Variants in WNK2 observed in about 807,000 individuals in gnomAD.
WNK2 encodes the protein WNK lysine deficient protein kinase 2.
WNK2 carries 67 observed loss-of-function variants against 192.1 expected under a neutral mutation model. The ratio of observed to expected loss-of-function variants is 0.35; its 90% CI spans 0.29 to 0.43. WNK2 has a LOEUF of 0.43. WNK2 is among the 20% of genes least tolerant of loss of function. The probability of loss-of-function intolerance (pLI) is 1.00; values close to 1 mark genes in which losing one functional copy is unlikely to be tolerated. For synonymous variants in WNK2, 1,439 were observed against 1,393.9 expected, an observed-to-expected ratio of 1.03 and a Z score of -0.72; for missense variants, 2,698 against 3,089.7, an observed-to-expected ratio of 0.87 and a Z score of 3.01.
Position 93,229,599 on chromosome 9 carries a change from G to A in WNK2, c.682-97G>A, listed in dbSNP as rs1838390251. The A allele has an allele frequency of 7.2e-7, 1 of 1,393,382 alleles. No homozygotes were observed. Among genetic ancestry groups the A allele is most frequent in the East Asian group, 2.5e-5 (1 of 39,992 alleles). The allele number at this position is 1,393,382 out of a possible 1,614,324, so 86.3% of individuals were successfully genotyped here. The stretch of plus-strand genomic sequence containing the variant: ...CTTAGCTGCCTGTGGGTATGGGAAG[G>A]GCTGGTCCTACTGTGTGGCGCTGCT... On this transcript the variant is annotated intron_variant, in intron 2 of 29. Transcript: ENST00000427277. The surrounding 1 kb of genome is among the most constrained non-coding windows in gnomAD (Gnocchi z 4.9).
intron 23 of WNK2, among the ~76,000 whole-genome samples, chr9:93,297,267 ACT>A (rs1217301278): frequency 6.6e-6 from 1 of 150,708 alleles, no homozygotes; most frequent in Non-Finnish European, 1.5e-5. Flanking sequence ...GCAGTTCTAG[ACT>A]CTGCCCTTGC....
chr9:93,185,900 T>C (rs10992667), intron 2 of WNK2, among the ~76,000 whole-genome samples: 140,978 of 152,262 alleles, frequency 0.93, 65,385 homozygotes, highest in African/African-American at 0.98. Context: ...GTAGAGAGGG[T>C]CCTGGAGAGT....
intron 2 of WNK2, among the ~76,000 whole-genome samples, chr9:93,190,000 CT>C (rs1392475345): frequency 6.6e-6 from 1 of 152,234 alleles, no homozygotes; most frequent in East Asian, 1.9e-4. Context: ...CCCGATTTGG[CT>C]GGTGGTCACC....
intron 21 of WNK2, 55 bp downstream of exon 21, chr9:93,290,102 C>T (rs1318865988): frequency 6.7e-7 from 1 of 1,490,196 alleles, no homozygotes. Context: ...GCTTCCTTGC[C>T]CCAGAACCTT....
intron 4 of WNK2, among the ~76,000 whole-genome samples, chr9:93,234,469 G>A (rs1321382229): frequency 6.6e-6 from 1 of 152,240 alleles, no homozygotes; most frequent in Non-Finnish European, 1.5e-5. Flanking sequence ...AGTGTCCACA[G>A]GCGAGGGCGT....
At chr9:93,268,809 A>G (rs1237500699) in intron 19 of WNK2, 63 bp downstream of exon 19, 2 of 1,582,824 alleles carry the variant, frequency 1.3e-6, no homozygotes, top group Non-Finnish European at 1.7e-6. Flanking sequence ...CCTTCTGTGC[A>G]TGACCCAGCC....
At chr9:93,193,564 G>A (rs1334619341) in intron 2 of WNK2, among the ~76,000 whole-genome samples, 1 of 152,226 alleles carries the variant, frequency 6.6e-6, no homozygotes, top group African/African-American at 2.4e-5. Flanking sequence ...CTGCAGATAA[G>A]GAAAAGGGTG....
rs1048359244 is a variant in WNK2, at chr9:93,259,536, G to A, written c.2988G>A (p.Pro996=). 4 of 1,585,224 alleles carry A rather than the reference G, an allele frequency of 2.5e-6. No homozygotes were observed. The highest frequency in any genetic ancestry group is 1.4e-5 in the African/African-American group (1 of 71,568). The change falls in exon 12 of 30, where the codon CCG becomes CCA. Residue 996 remains proline, a synonymous_variant. Transcript: ENST00000427277. This position sits in a 1 kb window ranked among gnomAD's most constrained non-coding sequence, Gnocchi z 4.8. ...LPPQPVLPPQ[P]ALPVRPEPLQ... ...CACAACCTGTGCTGCCCCCGCAGCC[G>A]GCACTGCCTGTGCGCCCTGAGCCCC...
chr9:93,199,742 C>G (rs1170481865), intron 2 of WNK2, among the ~76,000 whole-genome samples: 1 of 151,588 alleles, frequency 6.6e-6, no homozygotes, highest in Non-Finnish European at 1.5e-5. Flanking sequence ...ACTAAAAATA[C>G]AAAAAAATTA....
intron 7 of WNK2, among the ~76,000 whole-genome samples, chr9:93,241,108 C>A (rs1016922123): frequency 4.6e-5 from 7 of 152,198 alleles, no homozygotes; most frequent in African/African-American, 1.7e-4. Context: ...CTGGGAGGGC[C>A]CCAGGGCCAA....
In WNK2 at chr9:93,205,490, T is replaced by TC. The variant is rs534692230; in HGVS notation, c.681+19885dup. The stretch of plus-strand genomic sequence containing the variant: ...ACCCTGCTGGCCAGCCTCTGTCATC[T>TC]CCCCCATCCTGCTGGTCAGCCCCTG... On this transcript the variant is annotated intron_variant, in intron 2 of 29. Transcript: ENST00000427277. 2.7e-3 allele frequency among the ~76,000 whole-genome samples: 417 copies of TC among 152,138 alleles called. 3 individuals carry two copies. Among genetic ancestry groups the TC allele is most frequent in the Middle Eastern group, 0.017 (5 of 294 alleles).
chr9:93,273,610 A>G (rs1037366734), intron 19 of WNK2, among the ~76,000 whole-genome samples: 2 of 152,260 alleles, frequency 1.3e-5, no homozygotes, highest in African/African-American at 4.8e-5. Flanking sequence ...CGATAGATAG[A>G]ACTAGTAGAC....
chr9:93,223,657 C>G (rs1160702818), intron 2 of WNK2, among the ~76,000 whole-genome samples: 1 of 152,218 alleles, frequency 6.6e-6, no homozygotes, highest in Non-Finnish European at 1.5e-5. Context: ...CTCCTGGAAC[C>G]AGACCCAGAC....
At chr9:93,219,057 C>T (rs375207678) in intron 2 of WNK2, among the ~76,000 whole-genome samples, 3 of 152,238 alleles carry the variant, frequency 2.0e-5, no homozygotes, top group African/African-American at 7.2e-5. Flanking sequence ...CCCTCTGCCC[C>T]TCAGCTGCCC....
At chr9:93,317,843 C>A (rs778001719) in intron 29 of WNK2, 4 of 1,519,176 alleles carry the variant, frequency 2.6e-6, no homozygotes, top group Middle Eastern at 1.7e-4. Flanking sequence ...GGCTGCGGAT[C>A]ACGTAGCCTT....
chr9:93,258,847 G>T, intron 11 of WNK2, 84 bp from the exon 12 acceptor site: 1 of 1,250,730 alleles, frequency 8.0e-7, no homozygotes, highest in South Asian at 1.4e-5. Flanking sequence ...CGTCCCCAAT[G>T]ACTGTGGCTG....
Position 93,238,280 on chromosome 9 carries a change from G to A in WNK2, c.1281G>A (p.Lys427=). The change falls in exon 6 of 30, where the codon AAG becomes AAA. Residue 427 remains lysine (K), a synonymous_variant. Transcript: ENST00000427277. ...AGAAAGTGCACGATCCTGAAATCAA[G>A]GAGATTATTGGGGAGTGTATCTGCA... ...SFEKVHDPEI[K]EIIGECICKN... 1 of 1,614,054 alleles carries A rather than the reference G, an allele frequency of 6.2e-7. No homozygotes were observed. Among genetic ancestry groups the A allele is most frequent in the South Asian group, 1.1e-5 (1 of 91,086 alleles).
intron 19 of WNK2, among the ~76,000 whole-genome samples, chr9:93,272,231 G>A (rs915853738): frequency 2.0e-5 from 3 of 152,118 alleles, no homozygotes; most frequent in Non-Finnish European, 4.4e-5. Context: ...TCTTCTCCTC[G>A]AGTTCTTTAA....
At chr9:93,203,340 G>T (rs533787734) in intron 2 of WNK2, among the ~76,000 whole-genome samples, 1 of 152,118 alleles carries the variant, frequency 6.6e-6, no homozygotes, top group South Asian at 2.1e-4. Flanking sequence ...GTGGCGGGTG[G>T]TAGCAGAGGA....
Sources: gnomAD v4.1 joint callset for allele counts (sites outside exome capture counted in the v4.1 genomes callset) on GRCh38, gnomAD v4.1.1 for gene constraint, Gnocchi (gnomAD v3.1) non-coding constraint, MANE v1.5 for transcripts, NCBI Gene and HGNC (gene_info 2026-07-23, HGNC 2026-07-21) for gene names.